Variants in P4HA3 observed in about 807,000 individuals in gnomAD.
P4HA3 encodes prolyl 4-hydroxylase subunit alpha 3.
P4HA3 carries 60 observed loss-of-function variants against 66.7 expected under a neutral mutation model. The ratio of observed to expected loss-of-function variants is 0.90; its 90% CI spans 0.73 to 1.12. The LOEUF is 1.12. P4HA3 is among the 50% of genes most tolerant of loss of function. The probability of loss-of-function intolerance (pLI) is 0.00; values close to 1 mark genes in which losing one functional copy is unlikely to be tolerated. For missense variants in P4HA3, 683 were observed against 685.8 expected (o/e 1.00, Z 0.05); for synonymous variants, 263 against 274.6 (o/e 0.96, Z 0.42).
chr11:74,252,185 A>G (rs1284194665), intron 15 of P4HA3, among the ~76,000 whole-genome samples: 1 of 138,552 alleles, frequency 7.2e-6, no homozygotes, highest in African/African-American at 2.8e-5. Flanking sequence ...CCAGTGCCTC[A>G]GTCTCCCGAG....
chr11:74,255,796 T>G (rs1387112364), intron 15 of P4HA3: 2 of 362,016 alleles, frequency 5.5e-6, no homozygotes, highest in Non-Finnish European at 1.1e-5. Context: ...GATCTGCATT[T>G]TAACAAGTGC....
At chr11:74,267,417 C>T in intron 12 of P4HA3, 99 bp from the exon 13 acceptor site, 4 of 1,424,976 alleles carry the variant, frequency 2.8e-6, no homozygotes, top group Non-Finnish European at 3.8e-6. Context: ...GTGAGTGCCC[C>T]CTTAAATTCT....
At chr11:74,295,385 C>T (rs1453623718) in intron 4 of P4HA3, among the ~76,000 whole-genome samples, 8 of 152,228 alleles carry the variant, frequency 5.3e-5, no homozygotes, top group South Asian at 2.1e-4. Flanking sequence ...AACAGAATCC[C>T]GGATGGGTAT....
At chr11:74,253,506 G>A in intron 15 of P4HA3, 1 of 1,608,774 alleles carries the variant, frequency 6.2e-7, no homozygotes, top group Non-Finnish European at 8.5e-7. Flanking sequence ...TTTCCTGGCT[G>A]TTAGTGACCT....
At chr11:74,264,852 C>T (rs1241507297), downstream of P4HA3, among the ~76,000 whole-genome samples, 1 of 152,200 alleles carries the variant, frequency 6.6e-6, no homozygotes, top group Non-Finnish European at 1.5e-5. Context: ...CCCACTGAGC[C>T]CAGGGCCTGC....
intron 6 of P4HA3, 76 bp from the exon 7 acceptor site, chr11:74,286,061 T>C (rs1860788623): frequency 3.3e-6 from 5 of 1,513,596 alleles, no homozygotes; most frequent in Middle Eastern, 3.5e-4. Context: ...AACTATGGCA[T>C]AAAAAAATTG....
chr11:74,251,319 G>C, intron 15 of P4HA3: 1 of 1,360,592 alleles, frequency 7.3e-7, no homozygotes, highest in Non-Finnish European at 9.5e-7. Context: ...GGATGATTAG[G>C]GTAGAAACTG....
At chr11:74,271,357 T>C (rs1860190204) in intron 10 of P4HA3, among the ~76,000 whole-genome samples, 1 of 152,198 alleles carries the variant, frequency 6.6e-6, no homozygotes, top group Admixed American at 6.5e-5. Flanking sequence ...CTGCATTCTT[T>C]TACCTGTGGT....
At chr11:74,272,057 G>A (rs1860220078) in intron 10 of P4HA3, among the ~76,000 whole-genome samples, 1 of 152,158 alleles carries the variant, frequency 6.6e-6, no homozygotes, top group Non-Finnish European at 1.5e-5. Context: ...CATAATAGAT[G>A]TAATCTGTGC....
At chr11:74,296,938 T>TC (rs905428037) in intron 4 of P4HA3, among the ~76,000 whole-genome samples, 2 of 149,018 alleles carry the variant, frequency 1.3e-5, no homozygotes, top group Non-Finnish European at 3.0e-5. Flanking sequence ...TTTTTTCTTT[T>TC]TTTTTTTTTT....
intron 10 of P4HA3, 38 bp downstream of exon 10, chr11:74,273,507 A>T: frequency 7.1e-7 from 1 of 1,417,462 alleles, no homozygotes; most frequent in Non-Finnish European, 9.4e-7. Flanking sequence ...GTAGAGCTAT[A>T]GTCAGTCATG....
At chr11:74,294,351 A>AT (rs965978544) in intron 4 of P4HA3, among the ~76,000 whole-genome samples, 4 of 151,608 alleles carry the variant, frequency 2.6e-5, no homozygotes, top group African/African-American at 9.7e-5. Context: ...CATTCGTCTA[A>AT]TTTTTTTTCA....
intron 15 of P4HA3, among the ~76,000 whole-genome samples, chr11:74,258,198 T>C (rs560955795): frequency 6.6e-6 from 1 of 152,244 alleles, no homozygotes; most frequent in South Asian, 2.1e-4. Context: ...GGCTCCCTTA[T>C]TCCTCGAGCT....
intron 7 of P4HA3, among the ~76,000 whole-genome samples, chr11:74,281,491 TA>T (rs1169188891): frequency 6.6e-6 from 1 of 152,050 alleles, no homozygotes; most frequent in Non-Finnish European, 1.5e-5. Context: ...CCAACAATGA[TA>T]GACTGGATTA....
chr11:74,258,246 C>CCATA (rs1054648125), intron 15 of P4HA3, among the ~76,000 whole-genome samples: 2 of 152,100 alleles, frequency 1.3e-5, no homozygotes, highest in African/African-American at 4.8e-5. Flanking sequence ...AAACTCCAGC[C>CCATA]CATAGCCAGG....
In P4HA3 at chr11:74,298,352, C is replaced by A; in HGVS notation, c.577G>T (p.Asp193Tyr). 6.2e-7 allele frequency: 1 copy of A among 1,613,682 alleles called. No homozygotes were observed. Among genetic ancestry groups the A allele is most frequent in the Non-Finnish European group, 8.5e-7 (1 of 1,179,908 alleles). The change falls in exon 4 of 13, where the codon GAC (aspartate) becomes TAC (tyrosine). Residue 193 changes from aspartate to tyrosine, a missense_variant. Asp to Tyr is a radical substitution (Grantham distance 160, BLOSUM62 -3). Transcript: ENST00000331597. ...ATGGCATGGTAATAATCCCCCATGT[C>A]ATAGGCCACCTACACAGAACACAAG... is the stretch of plus-strand genomic sequence containing the variant. ...DCFQVGKVAY[D>Y]MGDYYHAIPW...
At position 74,302,364 on chromosome 11, in the gene P4HA3, G is replaced by A; in HGVS notation, c.567+5C>T. Reference sequence around the variant, plus strand: ...AGCAATTGGCCCTCTCTTGAATATTGTTACCTTGCCAACTTGGAAGCAGTC... The same window carrying A: ...AGCAATTGGCCCTCTCTTGAATATTATTACCTTGCCAACTTGGAAGCAGTC... On this transcript the variant is annotated splice_donor_5th_base_variant and intron_variant, in intron 3 of 12. Transcript: ENST00000331597. 6.2e-7 allele frequency: 1 copy of A among 1,610,614 alleles called. No individual in the cohort carries two copies. Among genetic ancestry groups the A allele is most frequent in the East Asian group, 2.2e-5 (1 of 44,822 alleles).
intron 4 of P4HA3, among the ~76,000 whole-genome samples, chr11:74,297,229 C>T (rs1861250435): frequency 6.6e-6 from 1 of 152,176 alleles, no homozygotes; most frequent in South Asian, 2.1e-4. Context: ...GCTGGGATTA[C>T]AGGCGTGAGC....
intron 14 of P4HA3, among the ~76,000 whole-genome samples, chr11:74,260,878 C>A (rs1332235617): frequency 2.6e-5 from 4 of 152,128 alleles, no homozygotes; most frequent in Non-Finnish European, 5.9e-5. Flanking sequence ...ACTCACATGA[C>A]CCCCATCACA....
Sources: allele counts gnomAD v4.1 joint callset (sites outside exome capture counted in the v4.1 genomes callset), GRCh38; gene constraint gnomAD v4.1.1; transcripts MANE v1.5; gene names NCBI Gene and HGNC (gene_info 2026-07-23, HGNC 2026-07-21).